The following ADGRL3 variants were observed in gnomAD, a reference collection of about 807,000 sequenced individuals.
ADGRL3 encodes the protein adhesion G protein-coupled receptor L3, also known as calcium-independent alpha-latrotoxin receptor 3.
Under a neutral mutation model 153.5 loss-of-function variants are expected in ADGRL3, and 62 were observed. That is an observed-to-expected ratio of 0.40 (90% CI 0.33 to 0.50). The LOEUF is 0.50. Among genes scored for constraint, ADGRL3 ranks in the 20% least tolerant of loss-of-function variants. ADGRL3 has a pLI of 0.47. For missense variants in ADGRL3, 1,641 were observed against 1,859.4 expected (o/e 0.88, Z 2.16); for synonymous variants, 710 against 672.5 (o/e 1.06, Z -0.86).
intron 2 of ADGRL3, among the ~76,000 whole-genome samples, chr4:61,469,447 A>G: frequency 6.6e-6 from 1 of 152,030 alleles, no homozygotes; most frequent in Non-Finnish European, 1.5e-5. Context: ...ATAAGCTCTC[A>G]TGACCCATGT....
intron 5 of ADGRL3, among the ~76,000 whole-genome samples, chr4:61,625,581 G>A (rs1004401100): frequency 1.1e-4 from 16 of 151,874 alleles, no homozygotes; most frequent in African/African-American, 3.9e-4. Context: ...ATTAATTTGA[G>A]TATTTTTGAA....
chr4:61,976,801 C>T (rs1300643202), intron 17 of ADGRL3, among the ~76,000 whole-genome samples: 1 of 152,156 alleles, frequency 6.6e-6, no homozygotes, highest in Non-Finnish European at 1.5e-5. Flanking sequence ...GTCCATTAAA[C>T]TGCTCTTCTT....
intron 9 of ADGRL3, among the ~76,000 whole-genome samples, chr4:61,830,393 A>G (rs2148853600): frequency 6.6e-6 from 1 of 152,190 alleles, no homozygotes; most frequent in South Asian, 2.1e-4. Context: ...AAACAAACAG[A>G]CAAAAAAGAA....
chr4:61,767,444 A>G (rs1039309242), intron 8 of ADGRL3, among the ~76,000 whole-genome samples: 28 of 152,018 alleles, frequency 1.8e-4, no homozygotes, highest in South Asian at 6.2e-4. Flanking sequence ...ATGTGGAGTG[A>G]GTAGCCTCCG....
chr4:61,914,275 A>T (rs1398751418), intron 13 of ADGRL3, among the ~76,000 whole-genome samples: 6 of 152,140 alleles, frequency 3.9e-5, no homozygotes, highest in African/African-American at 1.4e-4. Flanking sequence ...TATTACGATT[A>T]TGCGTGGTTT....
At chr4:61,710,848 A>AT (rs536594693) in intron 6 of ADGRL3, among the ~76,000 whole-genome samples, 2 of 151,930 alleles carry the variant, frequency 1.3e-5, no homozygotes, top group Non-Finnish European at 2.9e-5. Flanking sequence ...AATAATATTG[A>AT]TTTTTTTTGT....
intron 5 of ADGRL3, among the ~76,000 whole-genome samples, chr4:61,606,277 T>G (rs1212496997): frequency 1.3e-5 from 2 of 152,218 alleles, no homozygotes; most frequent in African/African-American, 2.4e-5. Flanking sequence ...TGATGAGGTA[T>G]CTACAGACAA....
In ADGRL3 at chr4:61,804,545, T is replaced by A. The variant is rs188911885; in HGVS notation, c.1400-9264T>A. ...CATATCATTATAGGTGTAAAGAACT[T>A]CTTTGAACACTGGAACCATACTGGA... On this transcript the variant is annotated intron_variant, in intron 8 of 26. Coordinates refer to ENST00000683033, the MANE Select transcript of ADGRL3 (RefSeq NM_001387552.1). Among the ~76,000 whole-genome samples, 21 of 152,298 alleles carry A rather than the reference T, an allele frequency of 1.4e-4. No homozygotes were observed. In the East Asian group the frequency reaches 4.1e-3, roughly 29 times the overall value.
At chr4:61,347,346 A>G (rs1249693706) in intron 1 of ADGRL3, among the ~76,000 whole-genome samples, 1 of 151,726 alleles carries the variant, frequency 6.6e-6, no homozygotes, top group African/African-American at 2.4e-5. Context: ...AGCTATAGGA[A>G]GGTACATTAG....
intron 5 of ADGRL3, among the ~76,000 whole-genome samples, chr4:61,654,867 A>T (rs2094396608): frequency 6.6e-6 from 1 of 152,200 alleles, no homozygotes; most frequent in Admixed American, 6.5e-5. Flanking sequence ...ACTGCACTCC[A>T]GCTTGGGCAA....
chr4:61,465,905 T>C (rs2152643436), intron 2 of ADGRL3, among the ~76,000 whole-genome samples: 1 of 151,846 alleles, frequency 6.6e-6, no homozygotes, highest in Non-Finnish European at 1.5e-5. Flanking sequence ...GTGGATTGCC[T>C]GAACTCAGGT....
At chr4:61,208,130 GC>G (rs1373558678) in intron 1 of ADGRL3, among the ~76,000 whole-genome samples, 1 of 152,086 alleles carries the variant, frequency 6.6e-6, no homozygotes, top group Non-Finnish European at 1.5e-5. Flanking sequence ...TCTTGGGAAG[GC>G]TACAAAGGAG....
intron 2 of ADGRL3, among the ~76,000 whole-genome samples, chr4:61,466,929 G>GA (rs574051356): frequency 2.6e-5 from 4 of 151,704 alleles, no homozygotes; most frequent in African/African-American, 4.8e-5. Context: ...AAGATTTAAT[G>GA]AAAAAAATAT....
At chr4:62,031,315 C>CTAGG (rs1393125522) in intron 22 of ADGRL3, 127 bp from the exon 23 acceptor site, 1 of 693,986 alleles carries the variant, frequency 1.4e-6, no homozygotes, top group Non-Finnish European at 2.3e-6. Context: ...CTTACACCAC[C>CTAGG]TGTCTTACAT....
At position 61,954,186 on chromosome 4, in the gene ADGRL3, A is replaced by G. The variant is rs147525325; in HGVS notation, c.2805+5910A>G. 4.3e-3 allele frequency among the ~76,000 whole-genome samples: 661 copies of G among 152,048 alleles called. 7 individuals carry two copies. The highest frequency in any genetic ancestry group is 0.015 in the African/African-American group (633 of 41,488). On this transcript the variant is annotated intron_variant, in intron 17 of 26. Transcript: ENST00000683033. Reference sequence around the variant, plus strand: ...GTCTTCTCCATTTTAGTAAAAGGCTACTCTGTTCTTTCAGATGCTCTGGTC... The same window carrying G: ...GTCTTCTCCATTTTAGTAAAAGGCTGCTCTGTTCTTTCAGATGCTCTGGTC...
chr4:61,618,972 C>A (rs1313514447), intron 5 of ADGRL3, among the ~76,000 whole-genome samples: 2 of 152,170 alleles, frequency 1.3e-5, no homozygotes, highest in Non-Finnish European at 2.9e-5. Context: ...CCTCCTTGGG[C>A]CTCCCAAAGT....
chr4:61,264,775 C>G (rs1225605814), intron 1 of ADGRL3, among the ~76,000 whole-genome samples: 1 of 151,482 alleles, frequency 6.6e-6, no homozygotes, highest in African/African-American at 2.4e-5. Context: ...TTGTTTATCT[C>G]TTGTGCTCTA....
chr4:61,700,657 C>T (rs1395379839), intron 6 of ADGRL3, among the ~76,000 whole-genome samples: 6 of 151,984 alleles, frequency 3.9e-5, no homozygotes, highest in African/African-American at 7.2e-5. Flanking sequence ...AGTGAAAAGT[C>T]GGTAACTGAA....
intron 5 of ADGRL3, among the ~76,000 whole-genome samples, chr4:61,605,496 ACT>A (rs2099029037): frequency 6.6e-6 from 1 of 152,110 alleles, no homozygotes. Flanking sequence ...CATCTGGCAA[ACT>A]CTAGTGAAGT....
Sources: allele counts gnomAD v4.1 joint callset (sites outside exome capture counted in the v4.1 genomes callset), GRCh38; gene constraint gnomAD v4.1.1; transcripts MANE v1.5; gene names NCBI Gene and HGNC (gene_info 2026-07-23, HGNC 2026-07-21).